Variants in CINP observed in about 807,000 individuals in gnomAD.
CINP encodes the protein cyclin dependent kinase 2 interacting protein.
Under a neutral mutation model 20.5 loss-of-function variants are expected in CINP, and 11 were observed. The observed-to-expected ratio is 0.54, with a 90% CI of 0.34 to 0.89. CINP has a LOEUF of 0.89. CINP is among the 40% of genes least tolerant of loss of function. The pLI is 0.02. For synonymous variants in CINP, 108 were observed against 102.1 expected (o/e 1.06, Z -0.35); for missense variants, 213 against 251.0 (o/e 0.85, Z 1.02).
At chr14:102,354,268 AGTCTCTTAC>A (rs1326245270) in intron 3 of CINP, among the ~76,000 whole-genome samples, 1 of 152,208 alleles carries the variant, frequency 6.6e-6, no homozygotes. Context: ...CAAACACTTT[AGTCTCTTAC>A]GTGCTGTATC....
At chr14:102,362,683 G>T in intron 1 of CINP, 162 bp downstream of exon 1, 3 of 916,708 alleles carry the variant, frequency 3.3e-6, no homozygotes, top group Non-Finnish European at 5.3e-6. Context: ...CGAGCAGCTC[G>T]CAGAGGCTGC....
At chr14:102,359,631 C>T in intron 1 of CINP, 44 bp from the exon 2 acceptor site, 2 of 1,469,214 alleles carry the variant, frequency 1.4e-6, no homozygotes, top group South Asian at 1.3e-5. Context: ...ATGGAATATA[C>T]AATCATAGTT....
chr14:102,352,880 C>A (rs1453081166), intron 3 of CINP, among the ~76,000 whole-genome samples: 2 of 151,892 alleles, frequency 1.3e-5, no homozygotes, highest in East Asian at 3.9e-4. Flanking sequence ...AACTCTTGAC[C>A]TCAGGTGATC....
chr14:102,352,727 C>T (rs1886897241), intron 3 of CINP, among the ~76,000 whole-genome samples: 1 of 151,706 alleles, frequency 6.6e-6, no homozygotes, highest in Non-Finnish European at 1.5e-5. Context: ...GGCTTGATCT[C>T]GGCTAACTGC....
chr14:102,348,565 C>T lies in CINP; in HGVS notation c.631G>A (p.Ala211Thr). The T allele has an allele frequency of 6.2e-7, 1 of 1,609,752 alleles. No homozygotes were observed. The highest frequency in any genetic ancestry group is 8.5e-7 in the Non-Finnish European group (1 of 1,178,830). ...ESMLLETGHR[A>T]L Reference sequence around the variant, plus strand: ...GCAGCCGTCTCAGGACGTCAGAGAGCTCGGTGGCCTGTCTCCAGCAGCATG... The same window carrying T: ...GCAGCCGTCTCAGGACGTCAGAGAGTTCGGTGGCCTGTCTCCAGCAGCATG... The change falls in exon 5 of 5, where the codon GCT becomes ACT. Residue 211 changes from alanine (A) to threonine (T), a missense_variant. Transcript: ENST00000216756.
Position 102,358,939 on chromosome 14 carries a change from G to A in CINP, c.176+480C>T, listed in dbSNP as rs879668895. ...TGGTTTTAAAAATCAGAATAGCCAG[G>A]CACGGTGGCTCACACAGCACTTTGG... is the stretch of plus-strand genomic sequence containing the variant. On this transcript the variant is annotated intron_variant, in intron 2 of 4. Coordinates refer to ENST00000216756, the MANE Select transcript of CINP (RefSeq NM_032630.3). 3.9e-4 allele frequency among the ~76,000 whole-genome samples: 59 copies of A among 152,058 alleles called. 1 individual carries two copies. The highest frequency in any genetic ancestry group is 2.2e-3 in the Admixed American group (34 of 15,244).
chr14:102,360,200 T>C (rs1887108428), intron 1 of CINP, among the ~76,000 whole-genome samples: 1 of 151,742 alleles, frequency 6.6e-6, no homozygotes, highest in Non-Finnish European at 1.5e-5. Flanking sequence ...CCAGCGAAAA[T>C]GAACTACTGG....
At position 102,348,437 on chromosome 14, in the gene CINP, G is replaced by T. The variant is rs1886791069; in HGVS notation, c.*120C>A. 3 of 852,320 alleles carry T rather than the reference G, an allele frequency of 3.5e-6. No homozygotes were observed. Among genetic ancestry groups the T allele is most frequent in the Admixed American group, 3.0e-5 (1 of 33,198 alleles). The allele number at this position is 852,320 out of a possible 1,614,324, so 52.8% of individuals were successfully genotyped here. On this transcript the variant is annotated 3_prime_UTR_variant, in exon 5 of 5. Transcript: ENST00000216756. ...GCCATGGGGCTGGTGACAAGCTCTGGCCAGAAGACCCCAAGGTCTGATCCT... is the reference window on the plus strand; with the variant it reads ...GCCATGGGGCTGGTGACAAGCTCTGTCCAGAAGACCCCAAGGTCTGATCCT...
chr14:102,358,916 G>A (rs966365813), intron 2 of CINP, among the ~76,000 whole-genome samples: 5 of 151,964 alleles, frequency 3.3e-5, no homozygotes, highest in African/African-American at 1.2e-4. Context: ...AGAATCTGTG[G>A]TTTTAAAAAT....
At chr14:102,361,417 A>C (rs1887145747) in intron 1 of CINP, among the ~76,000 whole-genome samples, 1 of 152,188 alleles carries the variant, frequency 6.6e-6, no homozygotes, top group Non-Finnish European at 1.5e-5. Flanking sequence ...AGGCGGGCGG[A>C]TCACGAGGTC....
intron 3 of CINP, among the ~76,000 whole-genome samples, chr14:102,353,717 C>T (rs1262812261): frequency 6.6e-6 from 1 of 152,170 alleles, no homozygotes; most frequent in Admixed American, 6.5e-5. Flanking sequence ...GTCTGAGAAA[C>T]TGTCACGGCC....
At chr14:102,361,734 C>T (rs1187478921) in intron 1 of CINP, among the ~76,000 whole-genome samples, 1 of 151,270 alleles carries the variant, frequency 6.6e-6, no homozygotes, top group Non-Finnish European at 1.5e-5. Context: ...ACAGATTTTG[C>T]CATTACTTTT....
At chr14:102,352,133 A>G (rs970505959) in intron 3 of CINP, among the ~76,000 whole-genome samples, 2 of 152,002 alleles carry the variant, frequency 1.3e-5, no homozygotes, top group Non-Finnish European at 2.9e-5. Flanking sequence ...TGATCCGCCC[A>G]CCTCAGCCTC....
At chr14:102,349,335 CAA>C (rs1886816586) in intron 4 of CINP, among the ~76,000 whole-genome samples, 1 of 152,128 alleles carries the variant, frequency 6.6e-6, no homozygotes, top group African/African-American at 2.4e-5. Flanking sequence ...CTCAAACTGA[CAA>C]TATTTCACTA....
At chr14:102,349,506 C>T (rs1038508566) in intron 4 of CINP, among the ~76,000 whole-genome samples, 1 of 152,086 alleles carries the variant, frequency 6.6e-6, no homozygotes, top group African/African-American at 2.4e-5. Context: ...TTCATTTTTC[C>T]CAGTCATCTT....
At chr14:102,353,927 C>T (rs1171938082) in intron 3 of CINP, among the ~76,000 whole-genome samples, 2 of 151,964 alleles carry the variant, frequency 1.3e-5, no homozygotes, top group Non-Finnish European at 2.9e-5. Flanking sequence ...TCTGTACAAA[C>T]GAATTTTAAA....
intron 3 of CINP, among the ~76,000 whole-genome samples, chr14:102,354,009 A>G (rs917164919): frequency 2.0e-5 from 3 of 152,220 alleles, no homozygotes; most frequent in Admixed American, 2.0e-4. Flanking sequence ...AGATCACTTA[A>G]GCCCAGGAAG....
intron 3 of CINP, among the ~76,000 whole-genome samples, chr14:102,353,105 C>G (rs1886907263): frequency 6.6e-6 from 1 of 151,110 alleles, no homozygotes; most frequent in Admixed American, 6.6e-5. Context: ...CCACTGCACT[C>G]CAGCCTGGGC....
In CINP at chr14:102,348,504, T is replaced by A. The variant is rs973266483; in HGVS notation, c.*53A>T. On this transcript the variant is annotated 3_prime_UTR_variant, in exon 5 of 5. Coordinates refer to ENST00000216756, the MANE Select transcript of CINP (RefSeq NM_032630.3). ...CTGCGGCACTGGGTCCTAGGCAGACTGTCTGCCTGGTGAGACGTGGAAGGA... is the reference window on the plus strand; with the variant it reads ...CTGCGGCACTGGGTCCTAGGCAGACAGTCTGCCTGGTGAGACGTGGAAGGA... The A allele has an allele frequency of 2.0e-6, 3 of 1,497,778 alleles. No homozygotes were observed. The African/African-American group carries it at 4.1e-5, about 21-fold the overall frequency. 92.8% of individuals were successfully genotyped at this position (1,497,778 alleles called of 1,614,324 possible). A position where few individuals can be genotyped will look rare whatever the true frequency, so the allele number is the denominator to read the frequency against.
Sources: gnomAD v4.1 joint callset for allele counts (sites outside exome capture counted in the v4.1 genomes callset) on GRCh38, gnomAD v4.1.1 for gene constraint, MANE v1.5 for transcripts, NCBI Gene and HGNC (gene_info 2026-07-23, HGNC 2026-07-21) for gene names.